Variants in NAE1 observed in about 807,000 individuals in gnomAD.
The protein encoded by NAE1 is NEDD8 activating enzyme E1 subunit 1, also known as NEDD8-activating enzyme E1 regulatory subunit.
A neutral mutation model predicts 88.0 loss-of-function variants in NAE1; 59 were observed. That is an observed-to-expected ratio of 0.67 (90% CI 0.54 to 0.83). The LOEUF (loss-of-function observed/expected upper bound fraction) is 0.83. Among genes scored for constraint, NAE1 ranks in the 40% least tolerant of loss-of-function variants. The pLI is 0.00. For synonymous variants in NAE1, 186 were observed against 208.9 expected (o/e 0.89, Z 0.95); for missense variants, 554 against 632.8 (o/e 0.88, Z 1.34).
rs1256613499 is a variant in NAE1 at position 66,820,113 on chromosome 16, C to G, written c.511+1337G>C. ...AATGGCTCACCACCAGCAGCCAGAG[C>G]TTATCCTGACAAGCACTCCCTAACT... On this transcript the variant is annotated intron_variant, in intron 7 of 19. Coordinates refer to ENST00000290810, the MANE Select transcript of NAE1 (RefSeq NM_003905.4). Among the ~76,000 whole-genome samples the G allele has an allele frequency of 3.3e-5, 5 of 152,200 alleles. No individual in the cohort carries two copies. In the South Asian group the frequency reaches 1.0e-3, roughly 31 times the overall value.
At position 66,826,738 on chromosome 16, in the gene NAE1, A is replaced by C. The variant is rs1158362520; in HGVS notation, c.96T>G (p.His32Gln). The C allele has an allele frequency of 6.2e-7, 1 of 1,614,024 alleles. No individual in the cohort carries two copies. Among genetic ancestry groups the C allele is most frequent in the Non-Finnish European group, 8.5e-7 (1 of 1,180,014 alleles). ...DHGQEALESA[H>Q]VCLINATATG... ...TGGCTGTTGCATTTATTAGGCAAACATGAGCAGATTCTAAAGCCTCTTGCC... is the reference window on the plus strand; with the variant it reads ...TGGCTGTTGCATTTATTAGGCAAACCTGAGCAGATTCTAAAGCCTCTTGCC... Residue 32 changes from histidine to glutamine, a missense_variant, in exon 2 of 20, where the codon CAT (histidine) becomes CAG (glutamine). Physicochemically the swap from His to Gln is conservative, Grantham distance 24 (BLOSUM62 0). Transcript: ENST00000290810.
intron 7 of NAE1, among the ~76,000 whole-genome samples, chr16:66,820,981 A>G (rs1005718635): frequency 2.0e-5 from 3 of 152,146 alleles, no homozygotes; most frequent in Non-Finnish European, 4.4e-5. Context: ...AGGCAGGAGA[A>G]TCAGTTGAAC....
intron 3 of NAE1, 94 bp downstream of exon 3, chr16:66,826,429 A>G (rs1960465717): frequency 1.7e-6 from 2 of 1,168,016 alleles, no homozygotes; most frequent in Admixed American, 3.8e-5. Flanking sequence ...GATGATTTCC[A>G]CTGAGAGTCG....
Position 66,830,881 on chromosome 16 carries a change from G to C in NAE1, c.19C>G (p.Leu7Val). The C allele has an allele frequency of 6.5e-7, 1 of 1,534,838 alleles. No homozygotes were observed. The highest frequency in any genetic ancestry group is 8.7e-7 in the Non-Finnish European group (1 of 1,150,108). ...CGGTCGTACTTCTGCTCCTTGAGCA[G>C]CTTTCCCAGCTGCGCCATGGCCGCG... MAQLGKLLKEQKYDRQL... is the reference protein window; with the variant it reads MAQLGKVLKEQKYDRQL... Residue 7 changes from leucine (L) to valine (V), a missense_variant, in exon 1 of 20, where the codon CTG becomes GTG. Coordinates refer to ENST00000290810, the MANE Select transcript of NAE1 (RefSeq NM_003905.4).
chr16:66,811,151 C>T (rs1477334092), intron 13 of NAE1, among the ~76,000 whole-genome samples: 3 of 152,152 alleles, frequency 2.0e-5, no homozygotes, highest in African/African-American at 7.2e-5. Context: ...CTGTTCATCT[C>T]CAATGTAAAA....
chr16:66,817,796 T>A (rs868452030), intron 8 of NAE1, among the ~76,000 whole-genome samples: 8 of 152,190 alleles, frequency 5.3e-5, no homozygotes, highest in Admixed American at 2.0e-4. Flanking sequence ...GGATCTTTTC[T>A]GTTTTCTGAT....
chr16:66,803,616 A>T (rs574896966), intron 19 of NAE1, among the ~76,000 whole-genome samples: 4 of 150,470 alleles, frequency 2.7e-5, no homozygotes, highest in African/African-American at 9.8e-5. Context: ...TTTAGACTAG[A>T]GTCTCACTCT....
chr16:66,820,940 G>A (rs1277110479), intron 7 of NAE1, among the ~76,000 whole-genome samples: 1 of 151,860 alleles, frequency 6.6e-6, no homozygotes, highest in Non-Finnish European at 1.5e-5. Context: ...ATGGTGGCGG[G>A]TGCCTGTAAT....
Position 66,813,722 on chromosome 16 carries a change from A to G in NAE1, c.901-25T>C, listed in dbSNP as rs374200856. Reference sequence around the variant, plus strand: ...TCTAAAAGAATAAGAAAAAATTAACATTAAGTGGCGTTTTACTTTGACCCA... The same window carrying G: ...TCTAAAAGAATAAGAAAAAATTAACGTTAAGTGGCGTTTTACTTTGACCCA... On this transcript the variant is annotated intron_variant, in intron 12 of 19. Coordinates refer to ENST00000290810, the MANE Select transcript of NAE1 (RefSeq NM_003905.4). 188 of 1,610,552 alleles carry G rather than the reference A, an allele frequency of 1.2e-4. No individual in the cohort carries two copies. In the African/African-American group the frequency reaches 2.0e-3, roughly 18 times the overall value.
intron 3 of NAE1, among the ~76,000 whole-genome samples, chr16:66,825,912 TGGCAGAAACTGGCACTACGA>T (rs1442598463): frequency 6.6e-6 from 1 of 152,216 alleles, no homozygotes; most frequent in Non-Finnish European, 1.5e-5. Context: ...GTGCTGTGCC[TGGCAGAAACTGGCACTACGA>T]TCCAAAGAAA....
intron 3 of NAE1, chr16:66,825,982 T>G (rs1292784546): frequency 6.5e-6 from 1 of 153,586 alleles, no homozygotes; most frequent in Non-Finnish European, 1.5e-5. Flanking sequence ...CTGGTTTCCC[T>G]TATATTTACT....
chr16:66,823,080 A>C (rs1353451501), intron 6 of NAE1, 147 bp downstream of exon 6: 1 of 377,156 alleles, frequency 2.7e-6, no homozygotes, highest in Non-Finnish European at 4.4e-6. Flanking sequence ...CAAGCTCAAA[A>C]AAAAAAAAAA....
Position 66,818,598 on chromosome 16 carries a change from C to G in NAE1, c.551G>C (p.Arg184Pro). 1 of 1,612,094 alleles carries G rather than the reference C, an allele frequency of 6.2e-7. No individual in the cohort carries two copies. The highest frequency in any genetic ancestry group is 8.5e-7 in the Non-Finnish European group (1 of 1,179,404). Reference protein sequence around the residue: ...SHPDNALEDLRLDKPFPELRE... With the variant: ...SHPDNALEDLPLDKPFPELRE... ...CAGTTCAGGAAATGGCTTATCTAGT[C>G]GTAGATCCTCTAATGCATTATCTGG... is the stretch of plus-strand genomic sequence containing the variant. The change falls in exon 8 of 20, where the codon CGA becomes CCA. Residue 184 changes from arginine (R) to proline (P), a missense_variant. Coordinates refer to ENST00000290810, the MANE Select transcript of NAE1 (RefSeq NM_003905.4).
intron 1 of NAE1, among the ~76,000 whole-genome samples, chr16:66,828,534 A>T (rs1960558728): frequency 6.6e-6 from 1 of 150,626 alleles, no homozygotes; most frequent in African/African-American, 2.4e-5. Flanking sequence ...AAGCAGGGTG[A>T]GATAGTGTGT....
rs1428270820 is a variant in NAE1, at chr16:66,817,461, C to T, written c.648G>A (p.Val216=). 1.2e-6 allele frequency: 2 copies of T among 1,602,666 alleles called. No homozygotes were observed. The highest frequency in any genetic ancestry group is 1.3e-5 in the African/African-American group (1 of 74,468). ...ACTGTGCTAAATATTTAGCTATGATCACAATCCATGGAGTATGACTGTGGT... is the reference window on the plus strand; with the variant it reads ...ACTGTGCTAAATATTTAGCTATGATTACAATCCATGGAGTATGACTGTGGT... ...KKDHSHTPWI[V]IIAKYLAQWY... is the part of the protein sequence containing the mutation. The change falls in exon 9 of 20, where the codon GTG becomes GTA. Residue 216 remains valine (V), a synonymous_variant. Transcript: ENST00000290810.
rs972032005 is a variant in NAE1, at chr16:66,807,322, T to C, written c.1330+1199A>G. The stretch of plus-strand genomic sequence containing the variant: ...ATATTTGGTGTTTATTCTTTTTTTT[T>C]CTTCTAGTAAGCTTGCTTGTTAGGA... On this transcript the variant is annotated intron_variant, in intron 17 of 19. Coordinates refer to ENST00000290810, the MANE Select transcript of NAE1 (RefSeq NM_003905.4). 6.6e-5 allele frequency among the ~76,000 whole-genome samples: 10 copies of C among 152,304 alleles called. 1 individual carries two copies. The highest frequency in any genetic ancestry group is 6.5e-4 in the Admixed American group (10 of 15,298).
rs556558080 is a variant in NAE1, at chr16:66,808,200, A to C, written c.1330+321T>G. Among the ~76,000 whole-genome samples the C allele has an allele frequency of 2.5e-3, 375 of 152,302 alleles. 1 individual carries two copies. Among genetic ancestry groups the C allele is most frequent in the African/African-American group, 8.7e-3 (362 of 41,582 alleles). ...AGCCACCGTACTATGCCTGGCCAGC[A>C]TATTTCTTGTGGCTTTCCTATTCCA... On this transcript the variant is annotated intron_variant, in intron 17 of 19. Transcript: ENST00000290810.
intron 13 of NAE1, among the ~76,000 whole-genome samples, chr16:66,812,322 A>G (rs1291530500): frequency 3.3e-5 from 5 of 151,884 alleles, no homozygotes; most frequent in Admixed American, 3.3e-4. Context: ...TCTCTCTCTC[A>G]TAAGGTCGTT....
At position 66,813,626 on chromosome 16, in the gene NAE1, A is replaced by G. The variant is rs1205663619; in HGVS notation, c.972T>C (p.Pro324=). ...TCATATCAGGAATTGTGCCTCGAAC[A>G]GGTAAATTTCCTTGACCCTCTTTGG... The part of the protein sequence containing the change: ...FVAKEGQGNL[P]VRGTIPDMIA... The change falls in exon 13 of 20, where the codon CCT becomes CCC. Residue 324 remains proline, a synonymous_variant. Coordinates refer to ENST00000290810, the MANE Select transcript of NAE1 (RefSeq NM_003905.4). 6.2e-7 allele frequency: 1 copy of G among 1,614,108 alleles called. No individual in the cohort carries two copies. The highest frequency in any genetic ancestry group is 8.5e-7 in the Non-Finnish European group (1 of 1,179,972).
Sources: allele counts gnomAD v4.1 joint callset (sites outside exome capture counted in the v4.1 genomes callset), GRCh38; gene constraint gnomAD v4.1.1; transcripts MANE v1.5; gene names NCBI Gene and HGNC (gene_info 2026-07-23, HGNC 2026-07-21).